The following JARID2 variants were observed in gnomAD, a reference collection of about 807,000 sequenced individuals.
JARID2 encodes the protein jumonji and AT-rich interaction domain containing 2, also known as protein Jumonji.
In JARID2, 21 loss-of-function variants were observed where a neutral mutation model predicts 125.6. The ratio of observed to expected loss-of-function variants is 0.17; its 90% CI spans 0.12 to 0.24. The LOEUF is 0.24. JARID2 is among the 10% of genes least tolerant of loss of function. The pLI, the probability that JARID2 is intolerant of heterozygous loss-of-function variation, is 1.00. For missense variants in JARID2, 1,303 were observed against 1,639.6 expected (o/e 0.79, Z 3.55); for synonymous variants, 736 against 661.6 (o/e 1.11, Z -1.73).
chr6:15,469,044 A>C lies in JARID2; in HGVS notation c.670+326A>C, dbSNP rs1270692497. On this transcript the variant is annotated intron_variant, in intron 5 of 17. Coordinates refer to ENST00000341776, the MANE Select transcript of JARID2 (RefSeq NM_004973.4). ...TGAAACAACATCTGTGCCCCCCTTT[A>C]ATTACTAATGTGATTTTAGCAGGTG... is the stretch of plus-strand genomic sequence containing the variant. Among the ~76,000 whole-genome samples, 3 of 152,178 alleles carry C rather than the reference A, an allele frequency of 2.0e-5. No homozygotes were observed. In the South Asian group the frequency reaches 6.2e-4, roughly 32 times the overall value.
chr6:15,361,531 G>T (rs975468858), intron 1 of JARID2, among the ~76,000 whole-genome samples: 6 of 152,154 alleles, frequency 3.9e-5, no homozygotes, highest in Non-Finnish European at 7.3e-5. Context: ...GTAAGGATAG[G>T]AAGAATCGTA....
intron 9 of JARID2, among the ~76,000 whole-genome samples, 180 bp downstream of exon 9, chr6:15,504,772 A>G (rs1770914968): frequency 6.6e-6 from 1 of 152,126 alleles, no homozygotes; most frequent in Admixed American, 6.5e-5. Context: ...ACTTAGGTTG[A>G]TCTAAACTTG....
At chr6:15,373,235 C>A (rs1000339004) in intron 1 of JARID2, among the ~76,000 whole-genome samples, 2 of 152,196 alleles carry the variant, frequency 1.3e-5, no homozygotes, top group Admixed American at 1.3e-4. Flanking sequence ...TCAACCATGT[C>A]TGTCTTCCCA....
At chr6:15,484,588 G>C (rs1480777411) in intron 5 of JARID2, among the ~76,000 whole-genome samples, 1 of 152,194 alleles carries the variant, frequency 6.6e-6, no homozygotes, top group Non-Finnish European at 1.5e-5. Flanking sequence ...CATTGTGGTA[G>C]ATGTTCTACC....
intron 1 of JARID2, among the ~76,000 whole-genome samples, chr6:15,260,347 T>C (rs1332598251): frequency 1.3e-5 from 2 of 152,216 alleles, no homozygotes; most frequent in Non-Finnish European, 2.9e-5. Flanking sequence ...CATTCTGTAT[T>C]GTAATCCTCA....
chr6:15,268,793 A>G (rs922415611), intron 1 of JARID2, among the ~76,000 whole-genome samples: 3 of 152,308 alleles, frequency 2.0e-5, no homozygotes, highest in Admixed American at 1.3e-4. Flanking sequence ...GCTGCAAAGA[A>G]TTTGCTTTTC....
At chr6:15,505,273 A>C (rs146232773) in intron 9 of JARID2, 1 of 151,914 alleles carries the variant, frequency 6.6e-6, no homozygotes, top group East Asian at 1.9e-4. Context: ...GGTTCAGGGC[A>C]GCTGCCGGCC....
chr6:15,470,780 G>A (rs1215619749), intron 5 of JARID2, among the ~76,000 whole-genome samples: 1 of 152,210 alleles, frequency 6.6e-6, no homozygotes, highest in Non-Finnish European at 1.5e-5. Context: ...ATTAGTGTAC[G>A]GATGTAATTT....
Position 15,246,259 on chromosome 6 carries a change from T to G in JARID2, c.-281T>G. 7.7e-6 allele frequency: 4 copies of G among 519,092 alleles called. No homozygotes were observed. 32.2% of individuals were successfully genotyped at this position (519,092 alleles called of 1,614,324 possible). On this transcript the variant is annotated 5_prime_UTR_variant, in exon 1 of 18. Coordinates refer to ENST00000341776, the MANE Select transcript of JARID2 (RefSeq NM_004973.4). ...GGGCGTCGGTTTTTTTTTGTGTGTG[T>G]GTGTATGTGTTTCGGGGGAAATTTT...
intron 2 of JARID2, among the ~76,000 whole-genome samples, chr6:15,384,435 A>G (rs1213799276): frequency 2.1e-5 from 3 of 146,216 alleles, no homozygotes; most frequent in African/African-American, 2.6e-5. Flanking sequence ...ACTATCTGTG[A>G]GGTCTCTCAT....
intron 4 of JARID2, 185 bp downstream of exon 4, chr6:15,452,360 A>G (rs1032805687): frequency 1.3e-5 from 6 of 461,576 alleles, no homozygotes; most frequent in African/African-American, 1.3e-4. Flanking sequence ...CTTTTGAACC[A>G]TCAGTTAAGT....
chr6:15,412,712 G>A (rs1199186363), intron 3 of JARID2, among the ~76,000 whole-genome samples: 1 of 152,164 alleles, frequency 6.6e-6, no homozygotes, highest in Non-Finnish European at 1.5e-5. Flanking sequence ...AGTGGGTTGG[G>A]TATGAACCCT....
At chr6:15,518,487 A>AT (rs765663974) in intron 17 of JARID2, among the ~76,000 whole-genome samples, 15 of 152,028 alleles carry the variant, frequency 9.9e-5, no homozygotes, top group Admixed American at 2.0e-4. Flanking sequence ...TGAGCTGTGC[A>AT]TTTTTTTGTT....
chr6:15,283,569 G>C (rs1032060617), intron 1 of JARID2, among the ~76,000 whole-genome samples: 26 of 150,716 alleles, frequency 1.7e-4, no homozygotes, highest in African/African-American at 4.9e-4. Context: ...GTCTCGATCT[G>C]CCGACCTTGT....
chr6:15,262,662 C>T (rs932847014), intron 1 of JARID2, among the ~76,000 whole-genome samples: 9 of 151,600 alleles, frequency 5.9e-5, no homozygotes, highest in African/African-American at 1.7e-4. Flanking sequence ...CTCAGCCTTC[C>T]GAGTAGCTGG....
At chr6:15,499,497 T>C (rs981207847) in intron 7 of JARID2, among the ~76,000 whole-genome samples, 2 of 152,222 alleles carry the variant, frequency 1.3e-5, no homozygotes, top group African/African-American at 2.4e-5. Flanking sequence ...TCCTCCCTTC[T>C]GTGACCTGTG....
At chr6:15,297,857 T>G (rs1471632975) in intron 1 of JARID2, among the ~76,000 whole-genome samples, 1 of 152,174 alleles carries the variant, frequency 6.6e-6, no homozygotes, top group African/African-American at 2.4e-5. Flanking sequence ...ATGTAAAATG[T>G]TATTTTTACT....
At chr6:15,511,480 C>T in intron 13 of JARID2, 79 bp downstream of exon 13, 3 of 969,410 alleles carry the variant, frequency 3.1e-6, no homozygotes, top group Non-Finnish European at 4.9e-6. Context: ...CATGAACCCG[C>T]CTTTCAAAGG....
chr6:15,513,104 A>G (rs565304161), intron 15 of JARID2, 59 bp downstream of exon 15: 21 of 1,608,602 alleles, frequency 1.3e-5, no homozygotes, highest in Non-Finnish European at 1.4e-5. Flanking sequence ...TCGGGGGCTC[A>G]CCCCCCGAGC....
Sources: gnomAD v4.1 joint callset for allele counts (sites outside exome capture counted in the v4.1 genomes callset) on GRCh38, gnomAD v4.1.1 for gene constraint, MANE v1.5 for transcripts, NCBI Gene and HGNC (gene_info 2026-07-23, HGNC 2026-07-21) for gene names.